CTNNA3: variants seen among roughly 807,000 people sequenced by gnomAD.
The protein encoded by CTNNA3 is catenin alpha 3, also known as catenin alpha-3.
CTNNA3 carries 76 observed loss-of-function variants against 95.7 expected under a neutral mutation model. The observed-to-expected ratio is 0.79, with a 90% CI of 0.66 to 0.96. CTNNA3 has a LOEUF of 0.96. CTNNA3 is among the 40% of genes least tolerant of loss of function. The pLI is 0.00. For missense variants in CTNNA3, 1,191 were observed against 1,089.8 expected, an observed-to-expected ratio of 1.09 and a Z score of -1.31; for synonymous variants, 431 against 374.4, an observed-to-expected ratio of 1.15 and a Z score of -1.74.
intron 9 of CTNNA3, among the ~76,000 whole-genome samples, chr10:66,714,327 TTC>T (rs1214143214): frequency 5.3e-5 from 8 of 152,102 alleles, no homozygotes; most frequent in Non-Finnish European, 8.8e-5. Flanking sequence ...TGGAAATCCA[TTC>T]TCTTTCTCTC....
intron 13 of CTNNA3, among the ~76,000 whole-genome samples, chr10:66,112,027 T>C (rs1326372431): frequency 2.0e-5 from 3 of 152,168 alleles, no homozygotes; most frequent in Non-Finnish European, 2.9e-5. Context: ...TGACAAACAT[T>C]AGGCTGGATC....
chr10:66,009,795 G>T (rs557566360), intron 15 of CTNNA3, among the ~76,000 whole-genome samples: 1 of 152,302 alleles, frequency 6.6e-6, no homozygotes, highest in African/African-American at 2.4e-5. Context: ...TTGAAGGCAT[G>T]GTCCATGGCT....
intron 9 of CTNNA3, among the ~76,000 whole-genome samples, chr10:66,691,956 A>T (rs964739251): frequency 6.6e-6 from 1 of 152,204 alleles, no homozygotes; most frequent in Non-Finnish European, 1.5e-5. Flanking sequence ...CCAAAAACCC[A>T]TCTGTACATC....
intron 7 of CTNNA3, among the ~76,000 whole-genome samples, chr10:66,990,563 CCCACATTT>C (rs1850987293): frequency 6.6e-6 from 1 of 152,058 alleles, no homozygotes; most frequent in Admixed American, 6.6e-5. Flanking sequence ...TAGTCTAATA[CCCACATTT>C]AGCATTCAAG....
chr10:66,884,727 A>G (rs1330811413), intron 7 of CTNNA3, among the ~76,000 whole-genome samples: 2 of 152,124 alleles, frequency 1.3e-5, no homozygotes, highest in East Asian at 3.9e-4. Context: ...TTTCAGTGCA[A>G]TCTGTTACAT....
intron 10 of CTNNA3, among the ~76,000 whole-genome samples, chr10:66,576,368 G>A (rs1362246788): frequency 6.6e-6 from 1 of 152,004 alleles, no homozygotes; most frequent in Non-Finnish European, 1.5e-5. Flanking sequence ...TACACATACA[G>A]GCTTGTTACA....
At chr10:67,583,023 T>C (rs1310472613) in intron 3 of CTNNA3, among the ~76,000 whole-genome samples, 2 of 152,240 alleles carry the variant, frequency 1.3e-5, no homozygotes, top group South Asian at 2.1e-4. Flanking sequence ...AATTTGCCAG[T>C]CTGTGTCTTG....
At chr10:67,137,545 T>C (rs541068500) in intron 7 of CTNNA3, among the ~76,000 whole-genome samples, 1 of 152,304 alleles carries the variant, frequency 6.6e-6, no homozygotes, top group South Asian at 2.1e-4. Flanking sequence ...AGTTTTAGTT[T>C]TGTAACAAAT....
chr10:66,417,440 C>G (rs1339285835), intron 11 of CTNNA3, among the ~76,000 whole-genome samples: 7 of 151,956 alleles, frequency 4.6e-5, no homozygotes, highest in Non-Finnish European at 7.4e-5. Context: ...GGGGAATTTA[C>G]CACCTTATTC....
chr10:66,132,516 A>G (rs929734246), intron 13 of CTNNA3, among the ~76,000 whole-genome samples: 1 of 152,184 alleles, frequency 6.6e-6, no homozygotes, highest in African/African-American at 2.4e-5. Flanking sequence ...TCAAAACAGA[A>G]CTACCATTCA....
intron 15 of CTNNA3, among the ~76,000 whole-genome samples, chr10:66,060,228 G>A (rs763034720): frequency 5.9e-5 from 9 of 151,914 alleles, no homozygotes; most frequent in South Asian, 2.1e-4. Context: ...TCAAGATTCC[G>A]CGTGGACAGA....
chr10:66,905,119 C>A (rs1845928455), intron 7 of CTNNA3, among the ~76,000 whole-genome samples: 1 of 152,150 alleles, frequency 6.6e-6, no homozygotes, highest in South Asian at 2.1e-4. Flanking sequence ...TTGGAACCAA[C>A]CCAAATGTCC....
At chr10:66,964,648 C>T (rs1849302188) in intron 7 of CTNNA3, among the ~76,000 whole-genome samples, 1 of 152,078 alleles carries the variant, frequency 6.6e-6, no homozygotes, top group Admixed American at 6.5e-5. Context: ...GAACTGACAC[C>T]TTTGATGACC....
intron 7 of CTNNA3, among the ~76,000 whole-genome samples, chr10:66,940,139 C>T (rs569244493): frequency 7.9e-5 from 12 of 152,122 alleles, no homozygotes; most frequent in Admixed American, 5.2e-4. Context: ...GGCTCCAGAG[C>T]GCATAGTTTG....
intron 7 of CTNNA3, among the ~76,000 whole-genome samples, chr10:66,890,600 A>T (rs1249090150): frequency 6.6e-6 from 1 of 152,120 alleles, no homozygotes; most frequent in Non-Finnish European, 1.5e-5. Context: ...GGGAGTAAAA[A>T]GAGATTGAAG....
intron 11 of CTNNA3, among the ~76,000 whole-genome samples, chr10:66,474,126 A>C (rs1839236292): frequency 6.6e-6 from 1 of 152,044 alleles, no homozygotes; most frequent in African/African-American, 2.4e-5. Context: ...AATATAGTTA[A>C]TCATAGTCAC....
chr10:66,732,941 A>T (rs1167507957), intron 9 of CTNNA3, among the ~76,000 whole-genome samples: 1 of 151,944 alleles, frequency 6.6e-6, no homozygotes, highest in Non-Finnish European at 1.5e-5. Flanking sequence ...GATTACAGGC[A>T]CCAGCCACCG....
At chr10:66,190,012 G>T (rs575851350) in intron 13 of CTNNA3, among the ~76,000 whole-genome samples, 1 of 152,114 alleles carries the variant, frequency 6.6e-6, no homozygotes, top group African/African-American at 2.4e-5. Flanking sequence ...AATTTTTAAA[G>T]ATATACTGGC....
intron 12 of CTNNA3, among the ~76,000 whole-genome samples, chr10:66,281,213 T>C (rs1383945820): frequency 2.6e-5 from 4 of 151,880 alleles, no homozygotes; most frequent in Non-Finnish European, 5.9e-5. Flanking sequence ...ATCTTTAAAA[T>C]AACAAAACAC....
Sources: gnomAD v4.1 joint callset for allele counts (sites outside exome capture counted in the v4.1 genomes callset) on GRCh38, gnomAD v4.1.1 for gene constraint, MANE v1.5 for transcripts, NCBI Gene and HGNC (gene_info 2026-07-23, HGNC 2026-07-21) for gene names.